AGBL5: variants seen among roughly 807,000 people sequenced by gnomAD.
The protein encoded by AGBL5 is AGBL carboxypeptidase 5, also known as cytosolic carboxypeptidase-like protein 5.
Under a neutral mutation model 88.0 loss-of-function variants are expected in AGBL5, and 51 were observed. The ratio of observed to expected loss-of-function variants is 0.58; its 90% confidence interval spans 0.46 to 0.73. The LOEUF (loss-of-function observed/expected upper bound fraction) is 0.73, where lower values mean the gene tolerates loss of function less well. AGBL5 is among the 30% of genes least tolerant of loss of function. The probability of loss-of-function intolerance (pLI) is 0.00; values close to 1 mark genes in which losing one functional copy is unlikely to be tolerated. For synonymous variants in AGBL5, 446 were observed against 438.8 expected, an observed-to-expected ratio of 1.02 and a Z score of -0.21; for missense variants, 1,031 against 1,162.2, an observed-to-expected ratio of 0.89 and a Z score of 1.64.
In AGBL5 at chr2:27,059,290, C is replaced by T. The variant is rs961480302; in HGVS notation, c.1975C>T (p.Pro659Ser). The T allele has an allele frequency of 3.1e-6, 5 of 1,614,136 alleles. No individual in the cohort carries two copies. The highest frequency in any genetic ancestry group is 1.1e-5 in the South Asian group (1 of 91,090). ...TAGCAGCAGCAGCCAACAAAATTCT[C>T]CACAGATGAAGAATTCCCCCAGCTT... ...GGSSSSQQNSPQMKNSPSFPF... is the reference protein window; with the variant it reads ...GGSSSSQQNSSQMKNSPSFPF... The change falls in exon 11 of 15, where the codon CCA (proline) becomes TCA (serine). Residue 659 changes from proline (P) to serine (S), a missense_variant. This residue lies in a region of AGBL5 where 491 missense variants were observed against 484.0 expected (regional missense o/e 1.01). Coordinates refer to ENST00000360131, the MANE Select transcript of AGBL5 (RefSeq NM_021831.6).
At chr2:27,069,989 T>A in intron 14 of AGBL5, 103 bp from the exon 15 acceptor site, 1 of 1,530,864 alleles carries the variant, frequency 6.5e-7, no homozygotes, top group Admixed American at 2.0e-5. Flanking sequence ...TCCTTACCCA[T>A]CTTCATCTCG....
chr2:27,050,829 G>A (rs1047909356), upstream of AGBL5, among the ~76,000 whole-genome samples: 8 of 152,202 alleles, frequency 5.3e-5, no homozygotes, highest in East Asian at 1.9e-4. Context: ...TGGATAGGGC[G>A]TGGCAATCCT....
At position 27,054,066 on chromosome 2, in the gene AGBL5, G is replaced by A. The variant is rs1237499148; in HGVS notation, c.551+7G>A. On this transcript the variant is annotated splice_region_variant and intron_variant, in intron 4 of 14. Transcript: ENST00000360131. ...ACCACCCTACCCATAGCAGGTGCCAGCCCCATTCTTACTCCTGCCACACAG... is the reference window on the plus strand; with the variant it reads ...ACCACCCTACCCATAGCAGGTGCCAACCCCATTCTTACTCCTGCCACACAG... 4.4e-6 allele frequency: 7 copies of A among 1,605,884 alleles called. No homozygotes were observed. The Admixed American group carries it at 6.8e-5, about 16-fold the overall frequency.
Position 27,055,262 on chromosome 2 carries a change from C to T in AGBL5, c.908+9C>T, listed in dbSNP as rs1335801229. 1.2e-6 allele frequency: 2 copies of T among 1,613,348 alleles called. No individual in the cohort carries two copies. Among genetic ancestry groups the T allele is most frequent in the African/African-American group, 1.3e-5 (1 of 75,048 alleles). ...GTCCGGGGACACTACCGGTAAGTGG[C>T]TTCCCCAGCCTGTCTGGACTGTTCC... On this transcript the variant is annotated intron_variant, in intron 6 of 14. Transcript: ENST00000360131.
chr2:27,063,535 C>T (rs552598039), intron 11 of AGBL5, among the ~76,000 whole-genome samples: 31 of 149,234 alleles, frequency 2.1e-4, no homozygotes, highest in African/African-American at 6.7e-4. Flanking sequence ...GCGGAGCTGG[C>T]AGTGAGCCCA....
chr2:27,065,454 G>A (rs1230765383), intron 11 of AGBL5, among the ~76,000 whole-genome samples: 1 of 152,118 alleles, frequency 6.6e-6, no homozygotes, highest in Non-Finnish European at 1.5e-5. Flanking sequence ...TCCAGCTCAT[G>A]GTGTCTGCTG....
chr2:27,057,326 A>T lies in AGBL5; in HGVS notation c.1559A>T (p.Asn520Ile), dbSNP rs1385724696. 2 of 1,613,812 alleles carry T rather than the reference A, an allele frequency of 1.2e-6. No individual in the cohort carries two copies. The highest frequency in any genetic ancestry group is 1.7e-6 in the Non-Finnish European group (2 of 1,179,928). ...IHSYTLECNY[N>I]TGRSVNSIPA... ...AGCTACACACTTGAATGCAACTACA[A>T]CACTGGACGCTCAGTAAACAGCATC... The change falls in exon 9 of 15, where the codon AAC becomes ATC. Residue 520 changes from asparagine (N) to isoleucine (I), a missense_variant. Asn to Ile is a moderately radical substitution (Grantham distance 149). Around this residue, in one of 2 missense-constraint regions of AGBL5, gnomAD observed 491 missense variants for 484.0 expected, o/e 1.01. Coordinates refer to ENST00000360131, the MANE Select transcript of AGBL5 (RefSeq NM_021831.6).
intron 8 of AGBL5, 112 bp downstream of exon 8, chr2:27,056,904 G>C (rs979949642): frequency 1.6e-6 from 2 of 1,259,940 alleles, no homozygotes; most frequent in Non-Finnish European, 2.1e-6. Flanking sequence ...GCTGAGGCAG[G>C]AGAATCGCTT....
chr2:27,059,357 G>C lies in AGBL5; in HGVS notation c.2042G>C (p.Gly681Ala). ...CGGCCTGCAGGGCTGCCAGGCCTGG[G>C]CTCTAGTACCCAAAAGGTCACCCAC... ...GSRPAGLPGL[G>A]SSTQKVTHRV... is the part of the protein sequence containing the mutation. Residue 681 changes from glycine to alanine, a missense_variant, in exon 11 of 15, where the codon GGC (glycine) becomes GCC (alanine). Gly to Ala is a moderately conservative substitution (Grantham distance 60). Around this residue, in one of 2 missense-constraint regions of AGBL5, gnomAD observed 491 missense variants for 484.0 expected, o/e 1.01. Transcript: ENST00000360131. 6.2e-7 allele frequency: 1 copy of C among 1,614,244 alleles called. No homozygotes were observed. Among genetic ancestry groups the C allele is most frequent in the Non-Finnish European group, 8.5e-7 (1 of 1,180,040 alleles).
In AGBL5 at chr2:27,056,039, C is replaced by G. The variant is rs373237623; in HGVS notation, c.1266C>G (p.Pro422=). The change falls in exon 7 of 15, where the codon CCC becomes CCG. Residue 422 remains proline, a synonymous_variant. Coordinates refer to ENST00000360131, the MANE Select transcript of AGBL5 (RefSeq NM_021831.6). ...AGTCAGCCCCTGATACCATCCCCCCCAAAGAGAGTGGCGTTGCTTACTATG... is the reference window on the plus strand; with the variant it reads ...AGTCAGCCCCTGATACCATCCCCCCGAAAGAGAGTGGCGTTGCTTACTATG... ...LEESAPDTIP[P]KESGVAYYVD... 11 of 1,614,210 alleles carry G rather than the reference C, an allele frequency of 6.8e-6. No individual in the cohort carries two copies. The highest frequency in any genetic ancestry group is 1.6e-4 in the Middle Eastern group (1 of 6,062).
chr2:27,054,518 C>T, intron 4 of AGBL5, 112 bp from the exon 5 acceptor site: 1 of 1,027,010 alleles, frequency 9.7e-7, no homozygotes, highest in East Asian at 2.4e-5. Flanking sequence ...ACTATAAGGC[C>T]CCAAAGGTTA....
chr2:27,054,749 T>G lies in AGBL5; in HGVS notation c.671T>G (p.Leu224Arg). ...CTTCGAGAAGATCGAGAGCCCCGTC[T>G]AGAGCAGCTATTTCCTGATACCAGC... ...HGLREDREPRLEQLFPDTSTP... is the reference protein window; with the variant it reads ...HGLREDREPRREQLFPDTSTP... The change falls in exon 5 of 15, where the codon CTA (leucine) becomes CGA (arginine). Residue 224 changes from leucine (L) to arginine (R), a missense_variant. Around this residue, in one of 2 missense-constraint regions of AGBL5, gnomAD observed 540 missense variants for 678.2 expected, o/e 0.80. Transcript: ENST00000360131. The G allele has an allele frequency of 1.2e-6, 2 of 1,613,930 alleles. No homozygotes were observed. The highest frequency in any genetic ancestry group is 1.7e-6 in the Non-Finnish European group (2 of 1,180,016).
chr2:27,051,121 T>A (rs886199155), upstream of AGBL5: 1 of 152,258 alleles, frequency 6.6e-6, no homozygotes, highest in Admixed American at 6.5e-5. Flanking sequence ...TATTGTACTC[T>A]GCTAAATAAA....
intron 11 of AGBL5, 73 bp from the exon 12 acceptor site, chr2:27,067,421 G>A (rs1669044673): frequency 8.0e-6 from 12 of 1,495,512 alleles, no homozygotes; most frequent in Non-Finnish European, 1.0e-5. Flanking sequence ...ACGGAAGCCA[G>A]CAGGTCAGTG....
chr2:27,056,134 C>A lies in AGBL5; in HGVS notation c.1361C>A (p.Thr454Asn), dbSNP rs762755704. 1 of 1,608,638 alleles carries A rather than the reference C, an allele frequency of 6.2e-7. No individual in the cohort carries two copies. Among genetic ancestry groups the A allele is most frequent in the Non-Finnish European group, 8.5e-7 (1 of 1,175,958 alleles). Residue 454 changes from threonine to asparagine, a missense_variant, in exon 7 of 15, where the codon ACC (threonine) becomes AAC (asparagine). Thr to Asn is a moderately conservative substitution (Grantham distance 65, BLOSUM62 0). This residue lies in a region of AGBL5 where 540 missense variants were observed against 678.2 expected (regional missense o/e 0.80). Transcript: ENST00000360131. ...MYGNSFSDES[T>N]QVENMLYPKL... Reference sequence around the variant, plus strand: ...GGAAACAGCTTTAGTGATGAGAGCACCCAGGTGGGAATCCTAAGAATGTCA... The same window carrying A: ...GGAAACAGCTTTAGTGATGAGAGCAACCAGGTGGGAATCCTAAGAATGTCA...
chr2:27,053,634 G>C lies in AGBL5; in HGVS notation c.387+61G>C. The C allele has an allele frequency of 5.8e-6, 9 of 1,549,892 alleles. No homozygotes were observed. The highest frequency in any genetic ancestry group is 6.9e-6 in the Non-Finnish European group (8 of 1,152,534). On this transcript the variant is annotated intron_variant, in intron 3 of 14. Coordinates refer to ENST00000360131, the MANE Select transcript of AGBL5 (RefSeq NM_021831.6). The surrounding 1 kb of genome is among the most constrained non-coding windows in gnomAD (Gnocchi z 4.9). ...TGCTAAAAGTAGAGAGGAAAGTAAA[G>C]CGTTTTTTTTTCCTTGATACAAGTA...
chr2:27,067,275 A>T (rs1199684363), intron 11 of AGBL5, among the ~76,000 whole-genome samples: 2 of 150,876 alleles, frequency 1.3e-5, no homozygotes. Context: ...AAAAAAAAAA[A>T]CTAGCAGGAT....
upstream of AGBL5, among the ~76,000 whole-genome samples, chr2:27,051,218 G>C (rs761600256): frequency 2.6e-5 from 4 of 152,212 alleles, no homozygotes; most frequent in Non-Finnish European, 2.9e-5. Context: ...GCAGGCGGGG[G>C]ATTAGCTCAA....
At chr2:27,060,737 ATTATCT>A (rs1668676281) in intron 11 of AGBL5, among the ~76,000 whole-genome samples, 1 of 152,192 alleles carries the variant, frequency 6.6e-6, no homozygotes, top group Non-Finnish European at 1.5e-5. Context: ...AGGCAACTTG[ATTATCT>A]GCTTCCAGGC....
Sources: allele counts gnomAD v4.1 joint callset (sites outside exome capture counted in the v4.1 genomes callset), GRCh38; gene constraint gnomAD v4.1.1; regional missense constraint gnomAD v4.1.1; non-coding constraint Gnocchi (gnomAD v3.1); transcripts MANE v1.5; gene names NCBI Gene and HGNC (gene_info 2026-07-23, HGNC 2026-07-21).